PPP3CA: variants seen among roughly 807,000 people sequenced by gnomAD.
The protein encoded by PPP3CA is protein phosphatase 3 catalytic subunit alpha, also known as CAM-PRP catalytic subunit.
PPP3CA carries 14 observed loss-of-function variants against 66.5 expected under a neutral mutation model. That is an observed-to-expected ratio of 0.21 (90% confidence interval 0.14 to 0.33). PPP3CA has a LOEUF of 0.33. Ranked by LOEUF, PPP3CA falls within the 10% of genes least tolerant of loss-of-function variation. PPP3CA has a pLI of 1.00. For synonymous variants in PPP3CA, 232 were observed against 226.2 expected (o/e 1.03, Z -0.23); for missense variants, 317 against 639.5 (o/e 0.50, Z 5.44).
chr4:101,276,118 C>T (rs1408229776), intron 1 of PPP3CA, among the ~76,000 whole-genome samples: 1 of 152,078 alleles, frequency 6.6e-6, no homozygotes, highest in Non-Finnish European at 1.5e-5. Flanking sequence ...TGGTCCCGAA[C>T]TCCTGGCATC....
intron 1 of PPP3CA, among the ~76,000 whole-genome samples, chr4:101,320,752 A>C (rs1253433828): frequency 6.6e-6 from 1 of 152,148 alleles, no homozygotes; most frequent in African/African-American, 2.4e-5. Flanking sequence ...TGGCCTAACA[A>C]ACCTGGACAC....
At chr4:101,289,601 A>T (rs1727953678) in intron 1 of PPP3CA, among the ~76,000 whole-genome samples, 1 of 152,248 alleles carries the variant, frequency 6.6e-6, no homozygotes, top group African/African-American at 2.4e-5. Flanking sequence ...ATTAATTATC[A>T]GGTGAGTTAA....
At chr4:101,137,113 T>C (rs1179451931) in intron 2 of PPP3CA, among the ~76,000 whole-genome samples, 2 of 152,190 alleles carry the variant, frequency 1.3e-5, no homozygotes, top group East Asian at 3.9e-4. Context: ...ATAATTTTCC[T>C]TGACTGTAAG....
chr4:101,263,684 C>T (rs146244302), intron 1 of PPP3CA, among the ~76,000 whole-genome samples: 21 of 151,706 alleles, frequency 1.4e-4, no homozygotes, highest in African/African-American at 4.6e-4. Context: ...ACCAGAGTGC[C>T]GTGCTGACCA....
chr4:101,208,319 GA>G (rs3840152), intron 1 of PPP3CA, among the ~76,000 whole-genome samples: 287 of 152,264 alleles, frequency 1.9e-3, no homozygotes, highest in East Asian at 0.014. Context: ...CTTGATACAT[GA>G]TAATACTCCA....
intron 2 of PPP3CA, among the ~76,000 whole-genome samples, chr4:101,135,126 G>T: frequency 6.6e-6 from 1 of 151,828 alleles, no homozygotes; most frequent in East Asian, 1.9e-4. Context: ...GTACATGATG[G>T]GCTAATGGGT....
In PPP3CA at chr4:101,315,961, A is replaced by G. The variant is rs57671797; in HGVS notation, c.58+30778T>C. ...AAATAAGGCTGGTTGCTTGCCTAGT[A>G]TGAATCTTATCCTCAAGGTCTAAAA... On this transcript the variant is annotated intron_variant, in intron 1 of 13. Transcript: ENST00000394854. 7.9e-3 allele frequency among the ~76,000 whole-genome samples: 1,198 copies of G among 152,256 alleles called. 17 individuals carry two copies. Among genetic ancestry groups the G allele is most frequent in the African/African-American group, 0.026 (1,097 of 41,536 alleles).
intron 11 of PPP3CA, among the ~76,000 whole-genome samples, chr4:101,033,576 T>C (rs1051494287): frequency 2.0e-5 from 3 of 152,246 alleles, no homozygotes. Context: ...AAAATATTTC[T>C]AGTTTAACCA....
At chr4:101,134,556 T>C (rs1722553637) in intron 2 of PPP3CA, among the ~76,000 whole-genome samples, 1 of 152,176 alleles carries the variant, frequency 6.6e-6, no homozygotes, top group Admixed American at 6.5e-5. Context: ...AGAATGGCCA[T>C]ATCATTAAAA....
At chr4:101,029,083 A>ACAAG in intron 13 of PPP3CA, 83 bp downstream of exon 13, 1 of 1,364,386 alleles carries the variant, frequency 7.3e-7, no homozygotes, top group Admixed American at 1.7e-5. Flanking sequence ...CACACTCTGT[A>ACAAG]CAAGCTACAG....
At chr4:101,323,429 G>T (rs1258799982) in intron 1 of PPP3CA, among the ~76,000 whole-genome samples, 1 of 152,192 alleles carries the variant, frequency 6.6e-6, no homozygotes, top group Non-Finnish European at 1.5e-5. Flanking sequence ...TACGTGTGAT[G>T]AGTGTTACTT....
chr4:101,178,495 A>T (rs2110172833), intron 2 of PPP3CA, among the ~76,000 whole-genome samples: 1 of 152,168 alleles, frequency 6.6e-6, no homozygotes, highest in Non-Finnish European at 1.5e-5. Flanking sequence ...CTATCTAACA[A>T]ATATAGTCAC....
chr4:101,144,565 T>G (rs986456287), intron 2 of PPP3CA, among the ~76,000 whole-genome samples: 5 of 152,190 alleles, frequency 3.3e-5, no homozygotes, highest in African/African-American at 1.2e-4. Flanking sequence ...AAGTCTGTTA[T>G]TCCCTGCAAA....
In PPP3CA at chr4:101,319,463, A is replaced by C. The variant is rs114113795; in HGVS notation, c.58+27276T>G. 2.9e-3 allele frequency among the ~76,000 whole-genome samples: 449 copies of C among 152,238 alleles called. 4 individuals are homozygous for C. The highest frequency in any genetic ancestry group is 0.01 in the African/African-American group (426 of 41,558). On this transcript the variant is annotated intron_variant, in intron 1 of 13. Coordinates refer to ENST00000394854, the MANE Select transcript of PPP3CA (RefSeq NM_000944.5). Reference sequence around the variant, plus strand: ...TTTAGAACTATAAATTCTGTAATCTAATGTTATTCAAGAGTACCCAAAACT... The same window carrying C: ...TTTAGAACTATAAATTCTGTAATCTCATGTTATTCAAGAGTACCCAAAACT...
chr4:101,050,738 T>A (rs1488916248), intron 10 of PPP3CA, among the ~76,000 whole-genome samples: 1 of 152,184 alleles, frequency 6.6e-6, no homozygotes, highest in Non-Finnish European at 1.5e-5. Context: ...TGCTCATTCA[T>A]TCTCAACATT....
At chr4:101,063,931 ATACAT>A (rs1363365574) in intron 8 of PPP3CA, among the ~76,000 whole-genome samples, 1 of 152,078 alleles carries the variant, frequency 6.6e-6, no homozygotes, top group East Asian at 1.9e-4. Context: ...GTAATTAGCT[ATACAT>A]TAAATACCAT....
At chr4:101,193,891 A>G (rs1724703666) in intron 2 of PPP3CA, among the ~76,000 whole-genome samples, 1 of 152,248 alleles carries the variant, frequency 6.6e-6, no homozygotes, top group Non-Finnish European at 1.5e-5. Flanking sequence ...AAATGTTAGT[A>G]CAACTCTTCT....
chr4:101,140,709 T>C (rs1168437798), intron 2 of PPP3CA, among the ~76,000 whole-genome samples: 2 of 152,126 alleles, frequency 1.3e-5, no homozygotes, highest in African/African-American at 2.4e-5. Flanking sequence ...CATTGTGTTA[T>C]GGACAAAGAG....
At chr4:101,144,366 C>A (rs896648672) in intron 2 of PPP3CA, among the ~76,000 whole-genome samples, 1 of 152,172 alleles carries the variant, frequency 6.6e-6, no homozygotes, top group South Asian at 2.1e-4. Context: ...CTGGCACATT[C>A]CCTCAGCTGG....
Sources: allele counts gnomAD v4.1 joint callset (sites outside exome capture counted in the v4.1 genomes callset), GRCh38; gene constraint gnomAD v4.1.1; transcripts MANE v1.5; gene names NCBI Gene and HGNC (gene_info 2026-07-23, HGNC 2026-07-21).